The following GCKR variants were observed in gnomAD, a reference collection of about 807,000 sequenced individuals.
GCKR encodes glucokinase regulator.
GCKR carries 73 observed loss-of-function variants against 82.9 expected under a neutral mutation model. The ratio of observed to expected loss-of-function variants is 0.88; its 90% CI spans 0.73 to 1.07. The LOEUF (loss-of-function observed/expected upper bound fraction) is 1.07, where lower values mean the gene tolerates loss of function less well. Among genes scored for constraint, GCKR ranks in the 50% least tolerant of loss-of-function variants. The pLI is 0.00. For missense variants in GCKR, 784 were observed against 782.1 expected (o/e 1.00, Z -0.03); for synonymous variants, 294 against 291.8 (o/e 1.01, Z -0.08).
At chr2:27,515,955 T>G (rs974537162) in intron 16 of GCKR, among the ~76,000 whole-genome samples, 8 of 149,360 alleles carry the variant, frequency 5.4e-5, no homozygotes, top group African/African-American at 2.0e-4. Flanking sequence ...TTTTTTTTTT[T>G]TTGTAGAGAC....
At position 27,498,917 on chromosome 2, in the gene GCKR, T is replaced by A. The variant is rs187988742; in HGVS notation, c.428+120T>A. On this transcript the variant is annotated intron_variant, in intron 5 of 18. Transcript: ENST00000264717. The stretch of plus-strand genomic sequence containing the variant: ...TTGTCTTAGTCCTCACCATTCCTTA[T>A]TCCCTCACACTTGGCCCACTTCACA... 1,716 of 755,116 alleles carry A rather than the reference T, an allele frequency of 2.3e-3. 6 individuals are homozygous for A. Among genetic ancestry groups the A allele is most frequent in the Non-Finnish European group, 3.3e-3 (1,363 of 418,706 alleles). 46.8% of individuals were successfully genotyped at this position (755,116 alleles called of 1,614,324 possible). A position where few individuals can be genotyped will look rare whatever the true frequency, so the allele number is the denominator to read the frequency against.
intron 16 of GCKR, among the ~76,000 whole-genome samples, chr2:27,513,251 C>T (rs746169843): frequency 6.6e-6 from 1 of 152,178 alleles, no homozygotes; most frequent in Non-Finnish European, 1.5e-5. Context: ...TCTCTCTCAT[C>T]CAGGTGCGGT....
At chr2:27,517,009 G>A (rs1358775729) in intron 16 of GCKR, among the ~76,000 whole-genome samples, 1 of 133,826 alleles carries the variant, frequency 7.5e-6, no homozygotes, top group Non-Finnish European at 1.6e-5. Context: ...ACGTGTATTA[G>A]TACCTTTTTT....
intron 1 of GCKR, 76 bp downstream of exon 1, chr2:27,497,040 G>A (rs538801720): frequency 7.5e-7 from 1 of 1,325,428 alleles, no homozygotes; most frequent in Non-Finnish European, 1.1e-6. Flanking sequence ...CCTCCCCGCT[G>A]GTTTCTGCTC....
At position 27,498,860 on chromosome 2, in the gene GCKR, T is replaced by C. The variant is rs972139687; in HGVS notation, c.428+63T>C. ...AAATAGTATTTCTTAGAAATTGAGTTGGAATACCTTTAGACAGAGATTGTG... is the reference window on the plus strand; with the variant it reads ...AAATAGTATTTCTTAGAAATTGAGTCGGAATACCTTTAGACAGAGATTGTG... On this transcript the variant is annotated intron_variant, in intron 5 of 18. Coordinates refer to ENST00000264717, the MANE Select transcript of GCKR (RefSeq NM_001486.4). The C allele has an allele frequency of 1.1e-5, 11 of 957,938 alleles. No individual in the cohort carries two copies. In the Admixed American group the frequency reaches 1.9e-4, roughly 16 times the overall value. The allele number at this position is 957,938 out of a possible 1,614,324, so 59.3% of individuals were successfully genotyped here. A position where few individuals can be genotyped will look rare whatever the true frequency, so the allele number is the denominator to read the frequency against.
rs1197591803 is a variant in GCKR, at chr2:27,499,197, G to A, written c.484G>A (p.Glu162Lys). Reference protein sequence around the residue: ...TEDSALHGIEELKKVAAGKKR... With the variant: ...TEDSALHGIEKLKKVAAGKKR... ...AGATAGTGCCTTGCACGGGATTGAG[G>A]AACTGAAGAAGGTCTGTGCTTTTCA... Residue 162 changes from glutamate (E) to lysine (K), a missense_variant, in exon 6 of 19, where the codon GAA becomes AAA. Transcript: ENST00000264717. 5.0e-6 allele frequency: 8 copies of A among 1,608,390 alleles called. No individual in the cohort carries two copies. The highest frequency in any genetic ancestry group is 6.8e-6 in the Non-Finnish European group (8 of 1,174,956).
At chr2:27,515,765 A>ATATATATATTT (rs1286679766) in intron 16 of GCKR, among the ~76,000 whole-genome samples, 1 of 106,930 alleles carries the variant, frequency 9.4e-6, no homozygotes, top group African/African-American at 3.8e-5. Context: ...ATATATATAT[A>ATATATATATTT]TTTTTTTTTT....
rs1363710937 is a variant in GCKR, at chr2:27,499,455, G to A, written c.549+5G>A. 6.9e-6 allele frequency: 11 copies of A among 1,594,674 alleles called. No individual in the cohort carries two copies. The highest frequency in any genetic ancestry group is 1.7e-5 in the Admixed American group (1 of 60,010). On this transcript the variant is annotated splice_donor_5th_base_variant and intron_variant, in intron 7 of 18. Transcript: ENST00000264717. ...GGCATTTCTGTGGGACTCTCTGTGA[G>A]TAAAAAGATGGGTTGAGTGGATCAA...
intron 17 of GCKR, 107 bp from the exon 18 acceptor site, chr2:27,522,353 C>A: frequency 1.8e-6 from 2 of 1,106,996 alleles, no homozygotes; most frequent in Non-Finnish European, 2.8e-6. Flanking sequence ...TATAGCCAGG[C>A]CTCGGGATCC....
chr2:27,504,826 G>A (rs185600083), intron 9 of GCKR, among the ~76,000 whole-genome samples: 30 of 151,938 alleles, frequency 2.0e-4, no homozygotes, highest in African/African-American at 7.0e-4. Context: ...AAATTTCTTG[G>A]AAAGAAACAC....
intron 8 of GCKR, among the ~76,000 whole-genome samples, chr2:27,503,098 T>C (rs1281289773): frequency 1.3e-5 from 2 of 152,238 alleles, no homozygotes; most frequent in Non-Finnish European, 2.9e-5. Flanking sequence ...ATTTCCAGAA[T>C]GTATTCCCAC....
At chr2:27,503,722 A>T in intron 9 of GCKR, 103 bp downstream of exon 9, 1 of 718,672 alleles carries the variant, frequency 1.4e-6, no homozygotes, top group Non-Finnish European at 2.6e-6. Flanking sequence ...TATCTTGTTT[A>T]AATTCCTGAG....
At chr2:27,509,547 GC>G in intron 16 of GCKR, 1 of 445,880 alleles carries the variant, frequency 2.2e-6, no homozygotes, top group Non-Finnish European at 4.5e-6. Context: ...TCTCCACATT[GC>G]CCAGGCTGTT....
Position 27,503,587 on chromosome 2 carries a change from C to T in GCKR, c.718C>T (p.Gln240Ter), listed in dbSNP as rs764135777. ...GCGGATGCAGAAAATGCAGGAGAAA[C>T]AGAAAGCTTTTGTGCTCAATCCTGC... Reference protein sequence around the residue: ...AERMQKMQEKQKAFVLNPAIG... With the variant: ...AERMQKMQEK Residue 240 changes from glutamine to a stop codon, truncating the protein, a stop_gained, in exon 9 of 19, where the codon CAG becomes TAG. Transcript: ENST00000264717. LOFTEE classifies it high-confidence loss of function. The T allele has an allele frequency of 2.5e-6, 4 of 1,609,326 alleles. No homozygotes were observed. In the East Asian group the frequency reaches 6.7e-5, roughly 27 times the overall value.
intron 7 of GCKR, 36 bp from the exon 8 acceptor site, chr2:27,501,099 C>A: frequency 2.2e-6 from 3 of 1,381,462 alleles, no homozygotes; most frequent in Non-Finnish European, 3.1e-6. Context: ...AGAGTAATGA[C>A]CCCCTCATCA....
chr2:27,520,378 A>G (rs940808969), intron 17 of GCKR, among the ~76,000 whole-genome samples: 2 of 152,190 alleles, frequency 1.3e-5, no homozygotes, highest in African/African-American at 4.8e-5. Flanking sequence ...CTGTTAGGTC[A>G]TTCACCAAGT....
chr2:27,499,328 T>C (rs1669513306), intron 6 of GCKR, 69 bp from the exon 7 acceptor site: 1 of 1,395,154 alleles, frequency 7.2e-7, no homozygotes, highest in African/African-American at 1.4e-5. Flanking sequence ...GGCCCTGATA[T>C]CCTCACACAG....
intron 16 of GCKR, among the ~76,000 whole-genome samples, chr2:27,511,689 A>AAAT (rs1215163898): frequency 2.0e-5 from 3 of 152,096 alleles, no homozygotes; most frequent in Non-Finnish European, 4.4e-5. Flanking sequence ...TCTCAAAAAA[A>AAAT]AATAATAATA....
At chr2:27,501,070 T>A (rs1023874817) in intron 7 of GCKR, 65 bp from the exon 8 acceptor site, 1 of 1,097,682 alleles carries the variant, frequency 9.1e-7, no homozygotes, top group Non-Finnish European at 1.4e-6. Flanking sequence ...CTGATGCACT[T>A]GAGCCTTGGG....
Sources: gnomAD v4.1 joint callset for allele counts (sites outside exome capture counted in the v4.1 genomes callset) on GRCh38, gnomAD v4.1.1 for gene constraint, MANE v1.5 for transcripts, NCBI Gene and HGNC (gene_info 2026-07-23, HGNC 2026-07-21) for gene names.